The following COL21A1 variants were observed in gnomAD, a reference collection of about 807,000 sequenced individuals.
COL21A1 encodes the protein collagen alpha-1(XXI) chain.
A neutral mutation model predicts 137.9 loss-of-function variants in COL21A1; 149 were observed. That is an observed-to-expected ratio of 1.08 (90% confidence interval 0.95 to 1.24). COL21A1 has a LOEUF of 1.24. Ranked by LOEUF, COL21A1 falls within the 50% of genes most tolerant of loss-of-function variation. The pLI, the probability that COL21A1 is intolerant of heterozygous loss-of-function variation, is 0.00. For missense variants in COL21A1, 1,167 were observed against 1,158.4 expected, an observed-to-expected ratio of 1.01 and a Z score of -0.11; for synonymous variants, 456 against 391.5, an observed-to-expected ratio of 1.16 and a Z score of -1.95.
intron 16 of COL21A1, among the ~76,000 whole-genome samples, chr6:56,115,537 T>C (rs985238024): frequency 1.3e-5 from 2 of 152,050 alleles, no homozygotes; most frequent in Admixed American, 1.3e-4. Context: ...CTGGAAAAGC[T>C]TCCCAAGAAG....
intron 1 of COL21A1, among the ~76,000 whole-genome samples, chr6:56,300,728 AT>A (rs370696985): frequency 6.6e-6 from 1 of 152,256 alleles, no homozygotes; most frequent in East Asian, 1.9e-4. Flanking sequence ...GCCAAAATAA[AT>A]AGAAGAGGGT....
chr6:56,149,627 C>A (rs1022120109), intron 10 of COL21A1, among the ~76,000 whole-genome samples: 2 of 152,184 alleles, frequency 1.3e-5, no homozygotes, highest in Non-Finnish European at 1.5e-5. Context: ...ATTTTCCTCA[C>A]CCAGTTCTAT....
At position 56,176,025 on chromosome 6, in the gene COL21A1, CG is replaced by C. The variant is rs146950999; in HGVS notation, c.640+3552del. Among the ~76,000 whole-genome samples, 1,248 of 152,012 alleles carry C rather than the reference CG, an allele frequency of 8.2e-3. 20 individuals are homozygous for C. Among genetic ancestry groups the C allele is most frequent in the African/African-American group, 0.029 (1,204 of 41,498 alleles). On this transcript the variant is annotated intron_variant, in intron 3 of 29. Coordinates refer to ENST00000244728, the MANE Select transcript of COL21A1 (RefSeq NM_030820.4). ...TGACAAGGGTGGTAAGACTGCCCGA[CG>C]GGGAAAGGATCTCTTCAATCAATAG...
At chr6:56,307,808 C>T (rs549011281) in intron 1 of COL21A1, among the ~76,000 whole-genome samples, 5 of 152,240 alleles carry the variant, frequency 3.3e-5, no homozygotes, top group East Asian at 3.9e-4. Context: ...CCGTCTTCTG[C>T]GTCGCTCACC....
chr6:56,130,623 T>C (rs1376950965), intron 12 of COL21A1, among the ~76,000 whole-genome samples: 1 of 151,716 alleles, frequency 6.6e-6, no homozygotes, highest in Non-Finnish European at 1.5e-5. Context: ...TCAGATGAAG[T>C]AGGAAGACTA....
At chr6:56,260,632 G>A (rs1302322054) in intron 1 of COL21A1, among the ~76,000 whole-genome samples, 23 of 38,660 alleles carry the variant, frequency 5.9e-4, no homozygotes, top group African/African-American at 1.5e-3. Context: ...AGAGAGGAAG[G>A]AAGGAAGGAA....
chr6:56,086,610 A>T (rs1768271842), intron 17 of COL21A1, among the ~76,000 whole-genome samples: 1 of 152,066 alleles, frequency 6.6e-6, no homozygotes, highest in Non-Finnish European at 1.5e-5. Context: ...GAAGAAGAGG[A>T]GGGGTTGGTC....
chr6:56,211,665 G>A (rs895420715), intron 1 of COL21A1, among the ~76,000 whole-genome samples: 3 of 152,058 alleles, frequency 2.0e-5, no homozygotes, highest in Admixed American at 6.6e-5. Flanking sequence ...GATGTCACTC[G>A]AATGTATGAT....
intron 1 of COL21A1, among the ~76,000 whole-genome samples, chr6:56,214,541 G>C (rs1163674893): frequency 6.6e-6 from 1 of 152,004 alleles, no homozygotes; most frequent in African/African-American, 2.4e-5. Context: ...CAGGGACAAG[G>C]ACTTCCTCTA....
chr6:56,237,964 T>C (rs1379795011), intron 1 of COL21A1, among the ~76,000 whole-genome samples: 1 of 152,124 alleles, frequency 6.6e-6, no homozygotes, highest in Non-Finnish European at 1.5e-5. Flanking sequence ...TTTGTTTTAT[T>C]TTTAGCTTAA....
At chr6:56,343,141 T>G (rs1582794535) in intron 1 of COL21A1, among the ~76,000 whole-genome samples, 2 of 152,138 alleles carry the variant, frequency 1.3e-5, no homozygotes, top group Non-Finnish European at 2.9e-5. Flanking sequence ...ACCCCAAGGT[T>G]TAGAGGAAAG....
chr6:56,090,683 AATT>A (rs1451763686), intron 17 of COL21A1, among the ~76,000 whole-genome samples: 3 of 152,036 alleles, frequency 2.0e-5, no homozygotes, highest in African/African-American at 7.2e-5. Context: ...TATGACAATA[AATT>A]ATTATAATAG....
At chr6:56,263,546 C>T (rs1763330930) in intron 1 of COL21A1, among the ~76,000 whole-genome samples, 1 of 152,136 alleles carries the variant, frequency 6.6e-6, no homozygotes, top group Admixed American at 6.6e-5. Context: ...GATGCCTAAG[C>T]TGAAGAGAAC....
chr6:56,313,583 T>G (rs1180422005), intron 1 of COL21A1, among the ~76,000 whole-genome samples: 2 of 152,178 alleles, frequency 1.3e-5, no homozygotes, highest in Admixed American at 6.5e-5. Context: ...AAGGCCGCAG[T>G]GTTATCAGAT....
In COL21A1 at chr6:56,232,730, A is replaced by G. The variant is rs9475639; in HGVS notation, c.-39+14657T>C. Among the ~76,000 whole-genome samples, 1,305 of 152,062 alleles carry G rather than the reference A, an allele frequency of 8.6e-3. 17 individuals carry two copies. The highest frequency in any genetic ancestry group is 0.03 in the African/African-American group (1,226 of 41,520). On this transcript the variant is annotated intron_variant, in intron 1 of 29. Coordinates refer to ENST00000244728, the MANE Select transcript of COL21A1 (RefSeq NM_030820.4). ...ATGCTCTTATTTTACTACATCATCC[A>G]AATGCTTTTCATAAGAAATTGCAAA... is the stretch of plus-strand genomic sequence containing the variant.
intron 1 of COL21A1, among the ~76,000 whole-genome samples, chr6:56,298,867 T>C (rs1279045143): frequency 3.3e-5 from 5 of 152,132 alleles, no homozygotes; most frequent in African/African-American, 7.2e-5. Flanking sequence ...CTACCTGCTA[T>C]TACAAATACA....
chr6:56,191,752 G>A (rs540140698), intron 1 of COL21A1, among the ~76,000 whole-genome samples: 13 of 152,134 alleles, frequency 8.5e-5, no homozygotes, highest in African/African-American at 2.4e-4. Context: ...GGACACAAAC[G>A]AATGGGAAAA....
At chr6:56,204,891 G>A (rs1233870771) in intron 1 of COL21A1, among the ~76,000 whole-genome samples, 1 of 152,128 alleles carries the variant, frequency 6.6e-6, no homozygotes, top group African/African-American at 2.4e-5. Context: ...GCAGCAGAGG[G>A]GCCTGACTGT....
At position 56,182,673 on chromosome 6, in the gene COL21A1, G is replaced by A. The variant is rs1777994196; in HGVS notation, c.-38-17C>T. On this transcript the variant is annotated splice_polypyrimidine_tract_variant and intron_variant, in intron 1 of 29. Transcript: ENST00000244728. Reference sequence around the variant, plus strand: ...TTAGGATTCCTAGGGGGAAAAAAAAGGCAAGTTAAATATATTAATTAAAGT... The same window carrying A: ...TTAGGATTCCTAGGGGGAAAAAAAAAGCAAGTTAAATATATTAATTAAAGT... 3 of 1,152,480 alleles carry A rather than the reference G, an allele frequency of 2.6e-6. No individual in the cohort carries two copies. The highest frequency in any genetic ancestry group is 3.8e-6 in the Non-Finnish European group (3 of 791,120). 71.4% of individuals were successfully genotyped at this position (1,152,480 alleles called of 1,614,324 possible). A position where few individuals can be genotyped will look rare whatever the true frequency, so the allele number is the denominator to read the frequency against.
Sources: gnomAD v4.1 joint callset for allele counts (sites outside exome capture counted in the v4.1 genomes callset) on GRCh38, gnomAD v4.1.1 for gene constraint, MANE v1.5 for transcripts, NCBI Gene and HGNC (gene_info 2026-07-23, HGNC 2026-07-21) for gene names.